The following TECR variants were observed in gnomAD, a reference collection of about 807,000 sequenced individuals.
TECR encodes trans-2,3-enoyl-CoA reductase.
TECR carries 19 observed loss-of-function variants against 50.6 expected under a neutral mutation model. That is an observed-to-expected ratio of 0.38 (90% confidence interval 0.26 to 0.55). TECR has a LOEUF of 0.55. TECR is among the 20% of genes least tolerant of loss of function. TECR has a pLI of 0.79. For missense variants in TECR, 313 were observed against 408.3 expected (o/e 0.77, Z 2.01); for synonymous variants, 168 against 163.5 (o/e 1.03, Z -0.21).
chr19:14,550,950 G>A (rs1274314238), intron 1 of TECR, among the ~76,000 whole-genome samples: 1 of 151,910 alleles, frequency 6.6e-6, no homozygotes, highest in African/African-American at 2.4e-5. Flanking sequence ...GGGATTACAG[G>A]CATGAACTAC....
At chr19:14,532,015 A>G (rs1451975662) in intron 1 of TECR, 1 of 151,490 alleles carries the variant, frequency 6.6e-6, no homozygotes, top group Admixed American at 6.6e-5. Flanking sequence ...TGAAGAAAAA[A>G]AAAAAAAAAA....
chr19:14,544,550 T>C (rs1172013256), intron 1 of TECR, among the ~76,000 whole-genome samples: 2 of 149,932 alleles, frequency 1.3e-5, no homozygotes, highest in Non-Finnish European at 3.0e-5. Context: ...CCTGAGCTTA[T>C]AGCATATCCT....
intron 1 of TECR, among the ~76,000 whole-genome samples, chr19:14,550,063 G>A (rs984448879): frequency 7.2e-5 from 11 of 151,928 alleles, no homozygotes; most frequent in Non-Finnish European, 1.0e-4. Flanking sequence ...TACATATAGC[G>A]ATTTATTTCA....
intron 1 of TECR, among the ~76,000 whole-genome samples, chr19:14,549,358 A>G (rs111560024): frequency 0.083 from 12,577 of 151,854 alleles, 1,725 homozygotes; most frequent in African/African-American, 0.28. Context: ...GACTACAGGC[A>G]TGCGCCACCA....
upstream of TECR, chr19:14,529,504 C>G (rs1368561423): frequency 1.3e-6 from 1 of 749,696 alleles, no homozygotes; most frequent in Non-Finnish European, 2.4e-6. Flanking sequence ...GGACCGGCCC[C>G]AAGGAGCAGG....
At chr19:14,564,414 G>A (rs1189180263) in intron 7 of TECR, 127 bp downstream of exon 7, 12 of 800,352 alleles carry the variant, frequency 1.5e-5, no homozygotes, top group Non-Finnish European at 2.2e-5. Flanking sequence ...CTACCCCTAG[G>A]CCCCGCCTAA....
intron 1 of TECR, 48 bp from the exon 2 acceptor site, chr19:14,562,477 C>T (rs1411727002): frequency 1.2e-6 from 2 of 1,612,128 alleles, no homozygotes; most frequent in African/African-American, 2.7e-5. Flanking sequence ...CAGGCCCACA[C>T]CCCCAAAGGT....
At chr19:14,543,140 C>G (rs1240335229) in intron 1 of TECR, among the ~76,000 whole-genome samples, 2 of 151,044 alleles carry the variant, frequency 1.3e-5, no homozygotes, top group Non-Finnish European at 2.9e-5. Flanking sequence ...TGGAAACAGG[C>G]TGAAGTCACG....
intron 1 of TECR, among the ~76,000 whole-genome samples, chr19:14,552,923 C>T (rs1043829644): frequency 6.6e-6 from 1 of 151,974 alleles, no homozygotes; most frequent in Non-Finnish European, 1.5e-5. Flanking sequence ...ATAGATGTCA[C>T]GTCTGAATGA....
In TECR at chr19:14,565,319, C is replaced by G. The variant is rs774159959; in HGVS notation, c.753+29C>G. 3.7e-6 allele frequency: 6 copies of G among 1,611,102 alleles called. No homozygotes were observed. In the Admixed American group the frequency reaches 8.3e-5, roughly 22 times the overall value. On this transcript the variant is annotated intron_variant, in intron 11 of 12. Coordinates refer to ENST00000215567, the MANE Select transcript of TECR (RefSeq NM_138501.6). Reference sequence around the variant, plus strand: ...AGGGGCTGCCTTACCCCTCTCTGCCCTGGGACTTGGGGTCCCATGTGGAGG... The same window carrying G: ...AGGGGCTGCCTTACCCCTCTCTGCCGTGGGACTTGGGGTCCCATGTGGAGG...
chr19:14,546,669 ATTTC>A (rs1051088812), intron 1 of TECR, among the ~76,000 whole-genome samples: 3 of 152,018 alleles, frequency 2.0e-5, no homozygotes, highest in African/African-American at 7.2e-5. Flanking sequence ...TCACTGAAAT[ATTTC>A]TTAAACATTA....
At chr19:14,545,407 T>TTTGCACCG (rs1254339453) in intron 1 of TECR, among the ~76,000 whole-genome samples, 2 of 152,160 alleles carry the variant, frequency 1.3e-5, no homozygotes, top group Non-Finnish European at 1.5e-5. Context: ...CTCTGGGCCC[T>TTTGCACCG]CTGCACCGCT....
chr19:14,534,218 G>A (rs997343095), intron 1 of TECR, among the ~76,000 whole-genome samples: 3 of 149,782 alleles, frequency 2.0e-5, no homozygotes, highest in African/African-American at 7.4e-5. Flanking sequence ...TCCGCCTCCC[G>A]GGTTCACGCC....
Position 14,563,518 on chromosome 19 carries a change from T to C in TECR, c.119-140T>C. On this transcript the variant is annotated intron_variant, in intron 3 of 12. Transcript: ENST00000215567. This position sits in a 1 kb window ranked among gnomAD's most constrained non-coding sequence, Gnocchi z 5.3. ...TCCTGAAACCGCACAAGCCTGAGGG[T>C]TTGCCCCCAGGTGGGAGGAGCTGTG... is the stretch of plus-strand genomic sequence containing the variant. The C allele has an allele frequency of 8.9e-7, 1 of 1,124,168 alleles. No individual in the cohort carries two copies. Among genetic ancestry groups the C allele is most frequent in the Non-Finnish European group, 1.3e-6 (1 of 763,052 alleles). The allele number at this position is 1,124,168 out of a possible 1,614,324, so 69.6% of individuals were successfully genotyped here.
rs373163838 is a variant in TECR, at chr19:14,564,020, C to T, written c.306C>T (p.Tyr102=). 1 of 1,614,040 alleles carries T rather than the reference C, an allele frequency of 6.2e-7. No individual in the cohort carries two copies. The highest frequency in any genetic ancestry group is 8.5e-7 in the Non-Finnish European group (1 of 1,179,964). The change falls in exon 6 of 13, where the codon TAC becomes TAT. Residue 102 remains tyrosine, a synonymous_variant. Transcript: ENST00000215567. The stretch of plus-strand genomic sequence containing the variant: ...AGTACGCGGGGCCCCTTTTCATCTA[C>T]CTGCTCTTCTACTTCCGAGTGCCCT... ...LTEYAGPLFI[Y]LLFYFRVPFI... is the part of the protein sequence containing the mutation.
Position 14,563,888 on chromosome 19 carries a change from G to A in TECR, c.252G>A (p.Gln84=). The A allele has an allele frequency of 6.2e-7, 1 of 1,614,062 alleles. No individual in the cohort carries two copies. The highest frequency in any genetic ancestry group is 8.5e-7 in the Non-Finnish European group (1 of 1,179,954). The change falls in exon 5 of 13, where the codon CAG becomes CAA. Residue 84 remains glutamine, a synonymous_variant. Transcript: ENST00000215567. The surrounding 1 kb of genome is among the most constrained non-coding windows in gnomAD (Gnocchi z 5.3). ...ATLYFRDLGA[Q]ISWVTVFLTE... ...TGTACTTCCGGGACCTGGGGGCCCA[G>A]ATCAGCTGGGTGACGGTGAGTCCTG...
chr19:14,529,693 A>C lies in TECR; in HGVS notation c.-4A>C. On this transcript the variant is annotated 5_prime_UTR_variant, in exon 1 of 13. Transcript: ENST00000215567. ...CGGAGCAGTAGCCGCCGTGGGAGGG[A>C]GCCATGAAGCATTACGAGGTAAGAA... 1 of 1,614,046 alleles carries C rather than the reference A, an allele frequency of 6.2e-7. No homozygotes were observed. The highest frequency in any genetic ancestry group is 1.1e-5 in the South Asian group (1 of 91,078).
chr19:14,551,299 T>C (rs548586996), intron 1 of TECR, among the ~76,000 whole-genome samples: 1 of 151,990 alleles, frequency 6.6e-6, no homozygotes, highest in African/African-American at 2.4e-5. Flanking sequence ...ACTCTCGAAC[T>C]CCTGACCTCA....
At chr19:14,551,798 A>G (rs1464858563) in intron 1 of TECR, among the ~76,000 whole-genome samples, 1 of 151,924 alleles carries the variant, frequency 6.6e-6, no homozygotes, top group Admixed American at 6.6e-5. Context: ...GATCGCATCC[A>G]GGGTGGTGGG....
Sources: allele counts gnomAD v4.1 joint callset (sites outside exome capture counted in the v4.1 genomes callset), GRCh38; gene constraint gnomAD v4.1.1; non-coding constraint Gnocchi (gnomAD v3.1); transcripts MANE v1.5; gene names NCBI Gene and HGNC (gene_info 2026-07-23, HGNC 2026-07-21).